Variants in DPH6 observed in about 807,000 individuals in gnomAD.
DPH6 encodes the protein diphthine--ammonia ligase.
In DPH6, 33 loss-of-function variants were observed where a neutral mutation model predicts 38.2. The observed-to-expected ratio is 0.86, with a 90% confidence interval of 0.65 to 1.15. The LOEUF (loss-of-function observed/expected upper bound fraction) is 1.15, where lower values mean the gene tolerates loss of function less well. Ranked by LOEUF, DPH6 falls within the 50% of genes most tolerant of loss-of-function variation. The pLI is 0.00. For missense variants in DPH6, 325 were observed against 320.0 expected, an observed-to-expected ratio of 1.02 and a Z score of -0.12; for synonymous variants, 108 against 103.0, an observed-to-expected ratio of 1.05 and a Z score of -0.30.
At chr15:35,208,215 G>A in the DPH6 span, among the ~76,000 whole-genome samples, 11 of 152,202 alleles carry the variant, frequency 7.2e-5, no homozygotes, top group Admixed American at 2.6e-4. Context: ...AGGTGGTGGC[G>A]GGGGAGATTC....
intron 1 of DPH6, among the ~76,000 whole-genome samples, chr15:35,544,731 C>CT (rs975511453): frequency 1.3e-5 from 2 of 152,062 alleles, no homozygotes; most frequent in African/African-American, 2.4e-5. Context: ...TTTTAGCAAA[C>CT]TTTTTTTATT....
intron 3 of DPH6, among the ~76,000 whole-genome samples, chr15:35,531,000 G>A (rs2055079170): frequency 6.6e-6 from 1 of 152,170 alleles, no homozygotes; most frequent in Admixed American, 6.5e-5. Flanking sequence ...GAGGCAAGCT[G>A]TGCAGTTCTG....
intron 3 of DPH6, among the ~76,000 whole-genome samples, chr15:35,534,301 C>T (rs1261627869): frequency 6.6e-6 from 1 of 150,780 alleles, no homozygotes; most frequent in Non-Finnish European, 1.5e-5. Context: ...TGCTTGAACC[C>T]TGGAGGCAGA....
chr15:35,503,111 G>A (rs1399967646), intron 3 of DPH6, among the ~76,000 whole-genome samples: 2 of 151,442 alleles, frequency 1.3e-5, no homozygotes, highest in Admixed American at 1.3e-4. Flanking sequence ...TCTGAAATAT[G>A]GAAGGTTAGT....
intron 5 of DPH6, among the ~76,000 whole-genome samples, chr15:35,433,409 T>C (rs2141037672): frequency 6.6e-6 from 1 of 152,304 alleles, no homozygotes; most frequent in South Asian, 2.1e-4. Context: ...AAGCCAAGAC[T>C]CCAGGCCTTA....
intron 3 of DPH6, among the ~76,000 whole-genome samples, chr15:35,464,526 T>C (rs2141112530): frequency 6.6e-6 from 1 of 152,312 alleles, no homozygotes; most frequent in African/African-American, 2.4e-5. Context: ...TTCCCTAAAA[T>C]AGCATTTATG....
chr15:35,228,334 C>G (rs2051496131), intron 3 of DPH6, among the ~76,000 whole-genome samples: 1 of 152,180 alleles, frequency 6.6e-6, no homozygotes, highest in South Asian at 2.1e-4. Flanking sequence ...ATTGTTTAGT[C>G]TTTCTACGTA....
intron 5 of DPH6, among the ~76,000 whole-genome samples, chr15:35,414,502 T>C (rs1463636594): frequency 6.6e-6 from 1 of 151,840 alleles, no homozygotes; most frequent in East Asian, 1.9e-4. Flanking sequence ...GGACAGCACC[T>C]AATGCGTACT....
chr15:35,538,384 G>T lies in DPH6; in HGVS notation c.202C>A (p.Pro68Thr). Residue 68 changes from proline to threonine, a missense_variant, in exon 3 of 9, where the codon CCC becomes ACC. By Grantham distance (38) the Pro-to-Thr change is conservative (BLOSUM62 -1). Coordinates refer to ENST00000256538, the MANE Select transcript of DPH6 (RefSeq NM_080650.4). ...CCTCTTATGGTTCGGCGATAGAGGG[G>T]AAGAGCCATTGCTTCTGCATACAAG... is the stretch of plus-strand genomic sequence containing the variant. ...IDLYAEAMAL[P>T]LYRRTIRGRS... 2.5e-6 allele frequency: 4 copies of T among 1,611,138 alleles called. No homozygotes were observed. Among genetic ancestry groups the T allele is most frequent in the Non-Finnish European group, 3.4e-6 (4 of 1,177,828 alleles).
chr15:35,232,846 T>G (rs1595438425), intron 3 of DPH6, among the ~76,000 whole-genome samples: 1 of 152,226 alleles, frequency 6.6e-6, no homozygotes, highest in East Asian at 1.9e-4. Context: ...TATGGAAAAC[T>G]TATCCTACAA....
intron 5 of DPH6, among the ~76,000 whole-genome samples, chr15:35,430,638 G>C (rs1465058638): frequency 6.6e-6 from 1 of 151,882 alleles, no homozygotes; most frequent in African/African-American, 2.4e-5. Context: ...GCTGGGCTTT[G>C]TGCAATAACC....
At chr15:35,451,241 ATTTTT>A (rs902269693) in intron 4 of DPH6, among the ~76,000 whole-genome samples, 5 of 151,644 alleles carry the variant, frequency 3.3e-5, no homozygotes, top group African/African-American at 1.2e-4. Flanking sequence ...CTAACTTTGA[ATTTTT>A]TTTTAAGAAT....
intron 5 of DPH6, among the ~76,000 whole-genome samples, chr15:35,429,257 T>C (rs539916071): frequency 6.6e-6 from 1 of 152,190 alleles, no homozygotes; most frequent in Non-Finnish European, 1.5e-5. Flanking sequence ...CTATGACTTT[T>C]CTCTTCAGTG....
chr15:35,448,361 CTT>C (rs2141073862), intron 5 of DPH6, among the ~76,000 whole-genome samples: 1 of 152,198 alleles, frequency 6.6e-6, no homozygotes, highest in Admixed American at 6.5e-5. Flanking sequence ...AATAATATCT[CTT>C]GTGACCTTGA....
intron 3 of DPH6, among the ~76,000 whole-genome samples, chr15:35,359,669 A>G (rs1483514283): frequency 6.6e-6 from 1 of 152,128 alleles, no homozygotes; most frequent in East Asian, 1.9e-4. Flanking sequence ...TGTTTGGGAG[A>G]GAAAGGTCTC....
At chr15:35,328,604 TCAAATTA>T (rs1162168808), downstream of DPH6, among the ~76,000 whole-genome samples, 1 of 152,132 alleles carries the variant, frequency 6.6e-6, no homozygotes, top group Non-Finnish European at 1.5e-5. Flanking sequence ...AAATAAAGAC[TCAAATTA>T]TTTATCCAAA....
chr15:35,528,828 T>G (rs997748330), intron 3 of DPH6, among the ~76,000 whole-genome samples: 18 of 152,346 alleles, frequency 1.2e-4, no homozygotes, highest in Admixed American at 3.9e-4. Context: ...GCATTTTTTA[T>G]AAAAATAGTT....
the DPH6 span, among the ~76,000 whole-genome samples, chr15:35,153,742 C>T: frequency 6.6e-6 from 1 of 152,052 alleles, no homozygotes; most frequent in Non-Finnish European, 1.5e-5. Flanking sequence ...AAGAAATGAA[C>T]AAATGGAAGA....
chr15:35,499,763 C>T (rs890106482), intron 3 of DPH6, among the ~76,000 whole-genome samples: 4 of 152,184 alleles, frequency 2.6e-5, no homozygotes, highest in African/African-American at 7.2e-5. Context: ...CTTACTTTAT[C>T]GCTTTCTGGC....
Sources: allele counts gnomAD v4.1 joint callset (sites outside exome capture counted in the v4.1 genomes callset), GRCh38; gene constraint gnomAD v4.1.1; transcripts MANE v1.5; gene names NCBI Gene and HGNC (gene_info 2026-07-23, HGNC 2026-07-21).